Variants in PDE1C observed in about 807,000 individuals in gnomAD.
The protein encoded by PDE1C is phosphodiesterase 1C.
In PDE1C, 62 loss-of-function variants were observed where a neutral mutation model predicts 93.1. The observed-to-expected ratio is 0.67, with a 90% confidence interval of 0.54 to 0.82. The LOEUF (loss-of-function observed/expected upper bound fraction) is 0.82, where lower values mean the gene tolerates loss of function less well. Among genes scored for constraint, PDE1C ranks in the 40% least tolerant of loss-of-function variants. The pLI is 0.00. For missense variants in PDE1C, 742 were observed against 884.6 expected (o/e 0.84, Z 2.04); for synonymous variants, 325 against 310.1 (o/e 1.05, Z -0.50).
At chr7:31,661,029 G>A in the PDE1C span, among the ~76,000 whole-genome samples, 9 of 152,130 alleles carry the variant, frequency 5.9e-5, no homozygotes, top group Admixed American at 3.9e-4. Context: ...CAAGGGAATC[G>A]GATTTGTTGA....
chr7:32,114,611 G>A (rs1426124477), intron 3 of PDE1C, among the ~76,000 whole-genome samples: 1 of 152,148 alleles, frequency 6.6e-6, no homozygotes, highest in African/African-American at 2.4e-5. Flanking sequence ...AGCTAAAATT[G>A]ACAGATGGGA....
chr7:31,881,987 C>T (rs977437887), intron 2 of PDE1C, among the ~76,000 whole-genome samples: 4 of 152,170 alleles, frequency 2.6e-5, no homozygotes, highest in African/African-American at 9.7e-5. Flanking sequence ...TTCTCACCTT[C>T]CTGACATCAA....
intron 2 of PDE1C, among the ~76,000 whole-genome samples, chr7:31,973,476 G>T (rs1352704227): frequency 3.3e-5 from 5 of 152,244 alleles, no homozygotes; most frequent in Admixed American, 1.3e-4. Flanking sequence ...GTCAAAGTTT[G>T]ATGTTATTTT....
intron 2 of PDE1C, among the ~76,000 whole-genome samples, chr7:31,947,252 C>G (rs995801107): frequency 6.6e-6 from 1 of 152,136 alleles, no homozygotes; most frequent in African/African-American, 2.4e-5. Context: ...ATATGAGACC[C>G]ATCTGTAGCT....
intron 2 of PDE1C, among the ~76,000 whole-genome samples, chr7:32,182,860 G>T (rs921833539): frequency 6.6e-6 from 1 of 152,152 alleles, no homozygotes; most frequent in South Asian, 2.1e-4. Flanking sequence ...AAGTCAAATT[G>T]TCCCTGTTTG....
chr7:32,334,790 T>A (rs1431317652), intron 1 of PDE1C, among the ~76,000 whole-genome samples: 1 of 152,204 alleles, frequency 6.6e-6, no homozygotes, highest in East Asian at 1.9e-4. Flanking sequence ...CACATGCATA[T>A]AATAAAATTT....
At chr7:31,714,597 G>A in the PDE1C span, among the ~76,000 whole-genome samples, 12 of 152,136 alleles carry the variant, frequency 7.9e-5, no homozygotes. Context: ...CCCAAGACTG[G>A]GAAGAAAAAG....
the PDE1C span, among the ~76,000 whole-genome samples, chr7:31,694,162 G>T: frequency 6.6e-6 from 1 of 152,242 alleles, no homozygotes; most frequent in African/African-American, 2.4e-5. Flanking sequence ...TTTTAAATAT[G>T]TTACTTAAAC....
chr7:32,314,021 T>A (rs1037874571), intron 1 of PDE1C, among the ~76,000 whole-genome samples: 8 of 151,810 alleles, frequency 5.3e-5, no homozygotes, highest in African/African-American at 1.9e-4. Flanking sequence ...TAGAATTAGT[T>A]ACTACTAAGC....
the PDE1C span, among the ~76,000 whole-genome samples, chr7:31,710,621 G>C: frequency 6.6e-6 from 1 of 151,760 alleles, no homozygotes; most frequent in South Asian, 2.1e-4. Flanking sequence ...AATTATTTTT[G>C]CTAGCTGAGA....
intron 1 of PDE1C, among the ~76,000 whole-genome samples, chr7:32,417,579 C>T (rs1235582961): frequency 6.6e-6 from 1 of 151,610 alleles, no homozygotes; most frequent in Non-Finnish European, 1.5e-5. Context: ...CTCCATCTCT[C>T]TCACTGCAGA....
downstream of PDE1C, among the ~76,000 whole-genome samples, chr7:31,748,921 T>A (rs572818218): frequency 6.6e-6 from 1 of 152,190 alleles, no homozygotes; most frequent in East Asian, 1.9e-4. Flanking sequence ...TCATGTGAAA[T>A]TGCAGCCAAT....
intron 1 of PDE1C, among the ~76,000 whole-genome samples, chr7:32,054,265 A>G (rs1793758629): frequency 6.6e-6 from 1 of 152,186 alleles, no homozygotes; most frequent in African/African-American, 2.4e-5. Context: ...GAAAGGCAAC[A>G]GGGCTCTGGA....
chr7:32,365,087 G>C (rs1177833650), intron 1 of PDE1C, among the ~76,000 whole-genome samples: 1 of 152,100 alleles, frequency 6.6e-6, no homozygotes, highest in African/African-American at 2.4e-5. Context: ...CAGCCCCACA[G>C]TGAAAAGCCC....
intron 1 of PDE1C, among the ~76,000 whole-genome samples, chr7:32,393,016 TC>T (rs1784777435): frequency 8.7e-6 from 1 of 115,126 alleles, no homozygotes; most frequent in Admixed American, 1.3e-4. Context: ...GCCACTGCAC[TC>T]CAGCCTGGGC....
At chr7:32,331,095 C>T (rs1389918604) in intron 1 of PDE1C, among the ~76,000 whole-genome samples, 1 of 152,206 alleles carries the variant, frequency 6.6e-6, no homozygotes, top group Non-Finnish European at 1.5e-5. Flanking sequence ...TCTTAACTCA[C>T]TTACCTGTGT....
At chr7:32,124,434 T>C (rs1008327486) in intron 3 of PDE1C, among the ~76,000 whole-genome samples, 19 of 152,134 alleles carry the variant, frequency 1.2e-4, no homozygotes, top group African/African-American at 4.6e-4. Flanking sequence ...GGATGCATCA[T>C]GCTACCTGAC....
intron 16 of PDE1C, among the ~76,000 whole-genome samples, chr7:31,792,791 T>G (rs1405512247): frequency 6.6e-6 from 1 of 152,086 alleles, no homozygotes; most frequent in East Asian, 1.9e-4. Context: ...GAAGACAAAG[T>G]GTTAATAGGC....
chr7:32,126,641 A>T (rs1052414938), intron 3 of PDE1C, among the ~76,000 whole-genome samples: 19 of 152,212 alleles, frequency 1.2e-4, no homozygotes, highest in South Asian at 2.1e-4. Context: ...AGCAGAAAAC[A>T]ATTTTAGATA....
Sources: allele counts gnomAD v4.1 joint callset (sites outside exome capture counted in the v4.1 genomes callset), GRCh38; gene constraint gnomAD v4.1.1; transcripts MANE v1.5; gene names NCBI Gene and HGNC (gene_info 2026-07-23, HGNC 2026-07-21).